The following DNAH11 variants were observed in gnomAD, a reference collection of about 807,000 sequenced individuals.
DNAH11 encodes dynein axonemal heavy chain 11.
In DNAH11, 442 loss-of-function variants were observed where a neutral mutation model predicts 526.0. The observed-to-expected ratio is 0.84, with a 90% confidence interval of 0.78 to 0.91. The LOEUF is 0.91. Ranked by LOEUF, DNAH11 falls within the 40% of genes least tolerant of loss-of-function variation. DNAH11 has a pLI of 0.00. For missense variants in DNAH11, 6,989 were observed against 5,448.7 expected (o/e 1.28, Z -8.90); for synonymous variants, 2,461 against 1,935.9 (o/e 1.27, Z -7.12).
chr7:21,654,770 C>T (rs1781938460), intron 28 of DNAH11, among the ~76,000 whole-genome samples: 1 of 152,160 alleles, frequency 6.6e-6, no homozygotes, highest in South Asian at 2.1e-4. Flanking sequence ...CAGTCTACCT[C>T]AAGAGAGATG....
At chr7:21,886,569 A>T (rs1440617851) in intron 76 of DNAH11, among the ~76,000 whole-genome samples, 4 of 152,196 alleles carry the variant, frequency 2.6e-5, no homozygotes, top group Non-Finnish European at 4.4e-5. Context: ...GCAAGTTACC[A>T]TGGAGATGGG....
intron 65 of DNAH11, among the ~76,000 whole-genome samples, chr7:21,824,578 T>C (rs1412078825): frequency 1.3e-5 from 2 of 152,172 alleles, no homozygotes; most frequent in African/African-American, 4.8e-5. Flanking sequence ...TCCAAAGAAC[T>C]ACAAATAGTC....
At chr7:21,712,685 T>C (rs1784506657) in intron 42 of DNAH11, among the ~76,000 whole-genome samples, 1 of 152,252 alleles carries the variant, frequency 6.6e-6, no homozygotes, top group Non-Finnish European at 1.5e-5. Flanking sequence ...AAAATGTTCA[T>C]GTAAGTTCTT....
intron 29 of DNAH11, among the ~76,000 whole-genome samples, chr7:21,657,262 T>C: frequency 1.3e-5 from 2 of 152,334 alleles, no homozygotes; most frequent in Middle Eastern, 3.4e-3. Context: ...ATACCTACTA[T>C]GCATCAGATG....
intron 54 of DNAH11, among the ~76,000 whole-genome samples, chr7:21,763,929 C>T (rs1327146364): frequency 1.3e-5 from 2 of 151,446 alleles, no homozygotes; most frequent in East Asian, 3.9e-4. Flanking sequence ...GTGAAATAAG[C>T]CAGTCACAGA....
intron 20 of DNAH11, among the ~76,000 whole-genome samples, chr7:21,608,654 T>C (rs1237420286): frequency 6.6e-6 from 1 of 152,188 alleles, no homozygotes; most frequent in Non-Finnish European, 1.5e-5. Context: ...ATACTTGGTT[T>C]TATTTTTTAT....
chr7:21,880,950 T>G lies in DNAH11; in HGVS notation c.12387+57T>G, dbSNP rs563618318. 195 of 1,451,354 alleles carry G rather than the reference T, an allele frequency of 1.3e-4. No homozygotes were observed. The African/African-American group carries it at 2.6e-3, about 20-fold the overall frequency. The allele number at this position is 1,451,354 out of a possible 1,614,324, so 89.9% of individuals were successfully genotyped here. ...AGGAGTTTACAAAGCTGTCAGTCTT[T>G]GGGCACTATCAAAATTGACCATAAT... On this transcript the variant is annotated intron_variant, in intron 75 of 81. Transcript: ENST00000409508.
At chr7:21,662,041 A>C (rs7803339) in intron 30 of DNAH11, among the ~76,000 whole-genome samples, 5,387 of 151,926 alleles carry the variant, frequency 0.035, 303 homozygotes, top group African/African-American at 0.12. Context: ...CTGGTCTCGA[A>C]CTCCTGACCT....
At chr7:21,545,696 A>G (rs973873624) in intron 2 of DNAH11, among the ~76,000 whole-genome samples, 3 of 152,208 alleles carry the variant, frequency 2.0e-5, no homozygotes, top group African/African-American at 4.8e-5. Context: ...TCTTCAACCA[A>G]TGTTACTGAC....
chr7:21,716,970 G>C (rs985492320), intron 42 of DNAH11, among the ~76,000 whole-genome samples: 1 of 152,012 alleles, frequency 6.6e-6, no homozygotes, highest in South Asian at 2.1e-4. Context: ...AGCTGAAATT[G>C]ACCTGTGGTC....
At chr7:21,642,513 A>G (rs1787175779) in intron 28 of DNAH11, among the ~76,000 whole-genome samples, 2 of 152,096 alleles carry the variant, frequency 1.3e-5, no homozygotes, top group African/African-American at 4.8e-5. Flanking sequence ...GTCAGTTTCA[A>G]ACCACCAGAC....
chr7:21,732,344 G>C (rs1381467675), intron 45 of DNAH11, among the ~76,000 whole-genome samples: 6 of 152,098 alleles, frequency 3.9e-5, no homozygotes, highest in African/African-American at 1.4e-4. Flanking sequence ...TATCAGATTG[G>C]GTTAGGGCTC....
chr7:21,768,935 T>C (rs1325904023), intron 55 of DNAH11, among the ~76,000 whole-genome samples: 1 of 152,158 alleles, frequency 6.6e-6, no homozygotes, highest in Admixed American at 6.5e-5. Flanking sequence ...TAAATTAGGG[T>C]ATACATATGT....
rs1029330798 is a variant in DNAH11 at position 21,787,677 on chromosome 7, T to C, written c.9924+94T>C. On this transcript the variant is annotated intron_variant, in intron 60 of 81. Coordinates refer to ENST00000409508, the MANE Select transcript of DNAH11 (RefSeq NM_001277115.2). ...TCAGCGAGAAGAGTAAAATTTGTTATTTCATTTTCTGAATAAGGATATGTA... is the reference window on the plus strand; with the variant it reads ...TCAGCGAGAAGAGTAAAATTTGTTACTTCATTTTCTGAATAAGGATATGTA... 3.5e-6 allele frequency: 4 copies of C among 1,155,070 alleles called. No individual in the cohort carries two copies. In the East Asian group the frequency reaches 7.9e-5, roughly 23 times the overall value. The allele number at this position is 1,155,070 out of a possible 1,614,324, so 71.6% of individuals were successfully genotyped here.
intron 76 of DNAH11, among the ~76,000 whole-genome samples, chr7:21,885,457 G>T (rs1562603479): frequency 6.6e-6 from 1 of 152,078 alleles, no homozygotes; most frequent in Admixed American, 6.5e-5. Flanking sequence ...AGAGACTGGG[G>T]AAGGGGAGAA....
chr7:21,901,215 A>G lies in DNAH11; in HGVS notation c.13512A>G (p.Lys4504=). 1 of 1,613,782 alleles carries G rather than the reference A, an allele frequency of 6.2e-7. No individual in the cohort carries two copies. The highest frequency in any genetic ancestry group is 8.5e-7 in the Non-Finnish European group (1 of 1,179,740). Residue 4504 remains lysine (K), a synonymous_variant, in exon 82 of 82, where the codon AAA becomes AAG. Coordinates refer to ENST00000409508, the MANE Select transcript of DNAH11 (RefSeq NM_001277115.2). ...FRLKSEEKTA[K]WVLAGVALLL... is the part of the protein sequence containing the mutation. ...TGAAGAGCGAAGAGAAGACTGCAAA[A>G]TGGGTTCTGGCTGGAGTGGCTCTGC...
At chr7:21,574,396 C>T (rs1471300904) in intron 8 of DNAH11, among the ~76,000 whole-genome samples, 1 of 152,114 alleles carries the variant, frequency 6.6e-6, no homozygotes, top group Non-Finnish European at 1.5e-5. Flanking sequence ...TATATACCTG[C>T]TTAATTTTCA....
At chr7:21,753,444 A>T (rs1786497923) in intron 54 of DNAH11, among the ~76,000 whole-genome samples, 2 of 152,222 alleles carry the variant, frequency 1.3e-5, no homozygotes, top group Non-Finnish European at 2.9e-5. Flanking sequence ...AGTATCAGTC[A>T]TTCCAGTGCC....
chr7:21,799,139 T>TC (rs1475838901), intron 61 of DNAH11, among the ~76,000 whole-genome samples: 2 of 152,074 alleles, frequency 1.3e-5, no homozygotes, highest in Admixed American at 1.3e-4. Flanking sequence ...CATTATTAAT[T>TC]CCATTTTTAA....
Sources: gnomAD v4.1 joint callset for allele counts (sites outside exome capture counted in the v4.1 genomes callset) on GRCh38, gnomAD v4.1.1 for gene constraint, MANE v1.5 for transcripts, NCBI Gene and HGNC (gene_info 2026-07-23, HGNC 2026-07-21) for gene names.